SRFBP1: variants seen among roughly 807,000 people sequenced by gnomAD.
SRFBP1 encodes serum response factor binding protein 1, also known as serum response factor-binding protein 1.
Under a neutral mutation model 45.5 loss-of-function variants are expected in SRFBP1, and 47 were observed. The ratio of observed to expected loss-of-function variants is 1.03; its 90% CI spans 0.82 to 1.32. The LOEUF is 1.32. Ranked by LOEUF, SRFBP1 falls within the 40% of genes most tolerant of loss-of-function variation. The pLI is 0.00. For synonymous variants in SRFBP1, 203 were observed against 166.3 expected, an observed-to-expected ratio of 1.22 and a Z score of -1.70; for missense variants, 621 against 484.6, an observed-to-expected ratio of 1.28 and a Z score of -2.64.
chr5:122,037,944 G>A (rs1435708924), intron 2 of SRFBP1, among the ~76,000 whole-genome samples: 1 of 152,140 alleles, frequency 6.6e-6, no homozygotes, highest in African/African-American at 2.4e-5. Flanking sequence ...AGTTAGGTTT[G>A]GGTCATGTGA....
chr5:121,982,199 T>C (rs1427089369), intron 3 of SRFBP1, among the ~76,000 whole-genome samples: 1 of 151,976 alleles, frequency 6.6e-6, no homozygotes, highest in Non-Finnish European at 1.5e-5. Context: ...GGTAGAACTT[T>C]TGTTTCTAAA....
intron 2 of SRFBP1, among the ~76,000 whole-genome samples, chr5:122,042,988 A>G (rs1376136338): frequency 6.6e-6 from 1 of 152,106 alleles, no homozygotes; most frequent in Non-Finnish European, 1.5e-5. Context: ...TTATTGCTTA[A>G]AACAGTCAAT....
At chr5:122,052,045 T>C (rs1753996910) in intron 2 of SRFBP1, among the ~76,000 whole-genome samples, 1 of 152,114 alleles carries the variant, frequency 6.6e-6, no homozygotes. Context: ...TGGTTGGAAA[T>C]TTTTTTCTTT....
intron 2 of SRFBP1, among the ~76,000 whole-genome samples, chr5:122,068,174 TAAAAA>T (rs10650287): frequency 8.6e-6 from 1 of 115,910 alleles, no homozygotes; most frequent in Admixed American, 9.2e-5. Flanking sequence ...TAATAACTAG[TAAAAA>T]AAAAAAAAAA....
At chr5:122,022,186 C>CT in intron 6 of SRFBP1, among the ~76,000 whole-genome samples, 184 bp from the exon 7 acceptor site, 1 of 152,262 alleles carries the variant, frequency 6.6e-6, no homozygotes, top group Admixed American at 6.5e-5. Flanking sequence ...ACACTGGATT[C>CT]TAACAAACCT....
At chr5:122,076,796 C>A, downstream of SRFBP1, 2 of 1,043,788 alleles carry the variant, frequency 1.9e-6, no homozygotes, top group Admixed American at 3.8e-5. Flanking sequence ...CACTTCCTAA[C>A]ACTTGTCTGC....
intron 4 of SRFBP1, among the ~76,000 whole-genome samples, chr5:121,997,216 A>G (rs1404413889): frequency 6.7e-6 from 1 of 149,136 alleles, no homozygotes; most frequent in African/African-American, 2.5e-5. Flanking sequence ...AGTCAATCCT[A>G]AGCCAAAAGA....
At chr5:122,002,644 G>A (rs955684879) in intron 4 of SRFBP1, among the ~76,000 whole-genome samples, 3 of 152,180 alleles carry the variant, frequency 2.0e-5, no homozygotes, top group Non-Finnish European at 2.9e-5. Context: ...GTAATTATGT[G>A]AGATGTGAGA....
chr5:121,968,934 A>G (rs141679129), intron 1 of SRFBP1, among the ~76,000 whole-genome samples: 3 of 152,336 alleles, frequency 2.0e-5, no homozygotes, highest in African/African-American at 4.8e-5. Flanking sequence ...CTATTTTCTA[A>G]TAACTATAGA....
intron 2 of SRFBP1, among the ~76,000 whole-genome samples, chr5:122,042,662 C>T (rs1753790601): frequency 6.6e-6 from 1 of 152,116 alleles, no homozygotes; most frequent in Admixed American, 6.6e-5. Flanking sequence ...TAACAATTTT[C>T]CTAAGGAAGG....
At chr5:122,028,705 CTTCT>C (rs1473269451), downstream of SRFBP1, 1 of 151,868 alleles carries the variant, frequency 6.6e-6, no homozygotes, top group Non-Finnish European at 1.5e-5. Flanking sequence ...TGTTTTTGTA[CTTCT>C]TTCTTTTAAA....
In SRFBP1 at chr5:122,054,196, T is replaced by C. The variant is rs1017594640; in HGVS notation, n.312-21119T>C. 2.2e-4 allele frequency among the ~76,000 whole-genome samples: 34 copies of C among 152,194 alleles called. 1 individual carries two copies. The highest frequency in any genetic ancestry group is 8.2e-4 in the African/African-American group (34 of 41,456). On this transcript the variant is annotated intron_variant and non_coding_transcript_variant, in intron 2 of 2. Transcript: ENST00000504881. ...TGCCCCCACAAAACATCTGAGTGGC[T>C]CCCTGCCTCAGTCTGGGAGTGTGGT...
downstream of SRFBP1, chr5:122,078,251 G>A (rs1754700354): frequency 5.0e-6 from 2 of 397,036 alleles, no homozygotes; most frequent in Non-Finnish European, 8.8e-6. Context: ...CGGAGAGCGG[G>A]CAGTGTCTGG....
At chr5:122,020,915 G>A (rs1411466692) in intron 6 of SRFBP1, 113 bp downstream of exon 6, 16 of 976,586 alleles carry the variant, frequency 1.6e-5, no homozygotes, top group Non-Finnish European at 2.2e-5. Context: ...AACCCATCCT[G>A]TTTTTAGACA....
rs151187764 is a variant in SRFBP1 at position 122,039,962 on chromosome 5, T to G, written n.311+17555T>G. Among the ~76,000 whole-genome samples, 3 of 152,266 alleles carry G rather than the reference T, an allele frequency of 2.0e-5. No homozygotes were observed. The East Asian group carries it at 5.8e-4, about 29-fold the overall frequency. ...CTGGAGACTCTTTTTGCTTATCTCTTTATCTGATCCAGTATTACATTTTAA... is the reference window on the plus strand; with the variant it reads ...CTGGAGACTCTTTTTGCTTATCTCTGTATCTGATCCAGTATTACATTTTAA... On this transcript the variant is annotated intron_variant and non_coding_transcript_variant, in intron 2 of 2. Coordinates refer to the SRFBP1 transcript ENST00000504881.
intron 2 of SRFBP1, chr5:122,070,562 A>G: frequency 6.2e-7 from 1 of 1,606,774 alleles, no homozygotes; most frequent in Non-Finnish European, 8.5e-7. Flanking sequence ...TCTGCACCAT[A>G]GGTATCATAA....
chr5:121,984,044 C>T (rs1052861523), intron 3 of SRFBP1, among the ~76,000 whole-genome samples: 1 of 151,774 alleles, frequency 6.6e-6, no homozygotes, highest in Non-Finnish European at 1.5e-5. Context: ...ATTGCTCATT[C>T]TTACCTATGG....
chr5:122,034,387 T>G lies in SRFBP1; in HGVS notation n.311+11980T>G, dbSNP rs201008762. Reference sequence around the variant, plus strand: ...AAAACAAAATCTTAAATTTGGTATTTAGGAAGGTTTATGTTTCTGTTGTCC... The same window carrying G: ...AAAACAAAATCTTAAATTTGGTATTGAGGAAGGTTTATGTTTCTGTTGTCC... On this transcript the variant is annotated intron_variant and non_coding_transcript_variant, in intron 2 of 2. Transcript: ENST00000504881. Among the ~76,000 whole-genome samples the G allele has an allele frequency of 2.5e-3, 379 of 152,304 alleles. 2 individuals carry two copies. Among genetic ancestry groups the G allele is most frequent in the Non-Finnish European group, 4.4e-3 (301 of 68,020 alleles).
chr5:122,058,529 AGTGTGTGTGTGTGTGTGTGT>A (rs147926229), intron 2 of SRFBP1, among the ~76,000 whole-genome samples: 2 of 142,234 alleles, frequency 1.4e-5, no homozygotes, highest in African/African-American at 2.6e-5. Context: ...ACAATGAGAT[AGTGTGTGTGTGTGTGTGTGT>A]GTGTGTGTGT....
Sources: gnomAD v4.1 joint callset for allele counts (sites outside exome capture counted in the v4.1 genomes callset) on GRCh38, gnomAD v4.1.1 for gene constraint, MANE v1.5 for transcripts, NCBI Gene and HGNC (gene_info 2026-07-23, HGNC 2026-07-21) for gene names.